The following ZNF609 variants were observed in gnomAD, a reference collection of about 807,000 sequenced individuals.
The protein encoded by ZNF609 is zinc finger protein 609.
ZNF609 carries 11 observed loss-of-function variants against 109.5 expected under a neutral mutation model. The observed-to-expected ratio is 0.10, with a 90% CI of 0.06 to 0.17. The LOEUF (loss-of-function observed/expected upper bound fraction) is 0.17, where lower values mean the gene tolerates loss of function less well. ZNF609 is among the 10% of genes least tolerant of loss of function. The pLI is 1.00. For missense variants in ZNF609, 1,559 were observed against 1,772.4 expected, an observed-to-expected ratio of 0.88 and a Z score of 2.16; for synonymous variants, 646 against 662.0, an observed-to-expected ratio of 0.98 and a Z score of 0.37.
chr15:64,586,648 G>A (rs754223762), intron 2 of ZNF609, among the ~76,000 whole-genome samples: 12 of 151,596 alleles, frequency 7.9e-5, no homozygotes, highest in East Asian at 5.8e-4. Flanking sequence ...CCCCCGTCCC[G>A]CCAACCCCCC....
chr15:64,637,403 TTAGAAA>T lies in ZNF609; in HGVS notation c.973+14353_973+14358del, dbSNP rs1800433210. ...TATACATATTCCTATCTATCTATAC[TTAGAAA>T]TGGAATTATTGAATCATAAGGTATG... On this transcript the variant is annotated intron_variant, in intron 3 of 9. Transcript: ENST00000326648. Among the ~76,000 whole-genome samples, 3 of 152,212 alleles carry T rather than the reference TTAGAAA, an allele frequency of 2.0e-5. No homozygotes were observed. The South Asian group carries it at 6.2e-4, about 31-fold the overall frequency.
In ZNF609 at chr15:64,595,660, G is replaced by A. The variant is rs1037448540; in HGVS notation, c.748-27167G>A. On this transcript the variant is annotated intron_variant, in intron 2 of 9. Transcript: ENST00000326648. ...ATAACATCCAACTACCTCATGTCTT[G>A]AAGTTTGGAGAAGTGAAGTGACTTA... is the stretch of plus-strand genomic sequence containing the variant. Among the ~76,000 whole-genome samples the A allele has an allele frequency of 3.3e-5, 5 of 152,126 alleles. 1 individual carries two copies. The highest frequency in any genetic ancestry group is 7.4e-5 in the Non-Finnish European group (5 of 68,014).
Position 64,593,816 on chromosome 15 carries a change from C to A in ZNF609, c.748-29011C>A, listed in dbSNP as rs543192865. Among the ~76,000 whole-genome samples, 132 of 152,328 alleles carry A rather than the reference C, an allele frequency of 8.7e-4. 1 individual carries two copies. Among genetic ancestry groups the A allele is most frequent in the South Asian group, 8.1e-3 (39 of 4,828 alleles). The stretch of plus-strand genomic sequence containing the variant: ...GATTACAGGTGTAAGCCACTGTACC[C>A]AGCCATTCCAGAACATTCTGATGAT... On this transcript the variant is annotated intron_variant, in intron 2 of 9. Transcript: ENST00000326648.
chr15:64,630,779 T>G (rs1896060912), intron 3 of ZNF609, among the ~76,000 whole-genome samples: 1 of 151,226 alleles, frequency 6.6e-6, no homozygotes, highest in African/African-American at 2.5e-5. Context: ...TACTCTCCAT[T>G]CTTTTGTTTT....
At chr15:64,524,399 A>T (rs997579263) in intron 2 of ZNF609, among the ~76,000 whole-genome samples, 1 of 152,184 alleles carries the variant, frequency 6.6e-6, no homozygotes, top group Admixed American at 6.5e-5. Flanking sequence ...CCCTGTCTCT[A>T]CTAAAAATAC....
At chr15:64,657,315 G>C (rs1326553120) in intron 3 of ZNF609, among the ~76,000 whole-genome samples, 1 of 151,420 alleles carries the variant, frequency 6.6e-6, no homozygotes, top group Non-Finnish European at 1.5e-5. Context: ...CTGATTAGTT[G>C]CATAAAAGCA....
At chr15:64,679,872 C>T (rs933816192) in intron 6 of ZNF609, among the ~76,000 whole-genome samples, 1 of 152,204 alleles carries the variant, frequency 6.6e-6, no homozygotes, top group Admixed American at 6.5e-5. Flanking sequence ...GGCTCTGACT[C>T]CAGATAAGTG....
Position 64,674,878 on chromosome 15 carries a change from C to T in ZNF609, c.2024C>T (p.Thr675Ile), listed in dbSNP as rs2141015295. 1.2e-6 allele frequency: 2 copies of T among 1,614,196 alleles called. No individual in the cohort carries two copies. The highest frequency in any genetic ancestry group is 4.5e-5 in the East Asian group (2 of 44,874). ...PQQIYTFQTA[T>I]FTAASPGSSS... ...CAAATCTACACCTTCCAGACAGCCA[C>T]CTTCACAGCAGCGAGCCCAGGCTCT... Residue 675 changes from threonine (T) to isoleucine (I), a missense_variant, in exon 5 of 10, where the codon ACC becomes ATC. Thr to Ile is a moderately conservative substitution (Grantham distance 89). Coordinates refer to ENST00000326648, the MANE Select transcript of ZNF609 (RefSeq NM_015042.2).
chr15:64,610,896 A>G (rs976061267), intron 2 of ZNF609, among the ~76,000 whole-genome samples: 2 of 152,198 alleles, frequency 1.3e-5, no homozygotes, highest in Non-Finnish European at 2.9e-5. Flanking sequence ...GGGCCGGCCT[A>G]GGAATCGCTG....
intron 2 of ZNF609, among the ~76,000 whole-genome samples, chr15:64,549,987 AG>A (rs1567011796): frequency 6.6e-6 from 1 of 152,140 alleles, no homozygotes; most frequent in South Asian, 2.1e-4. Context: ...TTAAGAGACA[AG>A]GGTCTTGCTA....
At chr15:64,617,752 C>T (rs1326222821) in intron 2 of ZNF609, among the ~76,000 whole-genome samples, 4 of 152,146 alleles carry the variant, frequency 2.6e-5, no homozygotes, top group Non-Finnish European at 5.9e-5. Flanking sequence ...TGCACTCCAG[C>T]CTGGGCAACA....
chr15:64,598,993 C>T (rs1372523873), intron 2 of ZNF609, among the ~76,000 whole-genome samples: 1 of 150,458 alleles, frequency 6.6e-6, no homozygotes, highest in Non-Finnish European at 1.5e-5. Flanking sequence ...GGGAAATATA[C>T]TGTGTTTTTA....
intron 2 of ZNF609, among the ~76,000 whole-genome samples, chr15:64,614,277 C>T (rs952790858): frequency 6.6e-6 from 1 of 150,614 alleles, no homozygotes; most frequent in Non-Finnish European, 1.5e-5. Flanking sequence ...GTCGCCCAGG[C>T]TGGAGTGCAG....
chr15:64,571,570 A>G (rs1490082971), intron 2 of ZNF609, among the ~76,000 whole-genome samples: 1 of 152,164 alleles, frequency 6.6e-6, no homozygotes, highest in Non-Finnish European at 1.5e-5. Context: ...TAAGTTAAGT[A>G]CTATTATTAT....
At chr15:64,549,630 G>A (rs1692970539) in intron 2 of ZNF609, among the ~76,000 whole-genome samples, 1 of 152,168 alleles carries the variant, frequency 6.6e-6, no homozygotes, top group Admixed American at 6.6e-5. Context: ...AAAATTCAAA[G>A]CCAGGTAATC....
chr15:64,478,100 C>G (rs1391370793), intron 1 of ZNF609, among the ~76,000 whole-genome samples: 1 of 150,790 alleles, frequency 6.6e-6, no homozygotes, highest in Non-Finnish European at 1.5e-5. Context: ...CACAAGAAGA[C>G]CTATTTGCCA....
At chr15:64,679,524 C>G (rs2141019430) in intron 6 of ZNF609, among the ~76,000 whole-genome samples, 1 of 152,316 alleles carries the variant, frequency 6.6e-6, no homozygotes, top group Admixed American at 6.5e-5. Flanking sequence ...CCTAAATAGT[C>G]TCAACATTCT....
At chr15:64,514,928 C>T (rs182692966) in intron 2 of ZNF609, among the ~76,000 whole-genome samples, 11 of 152,172 alleles carry the variant, frequency 7.2e-5, no homozygotes, top group Admixed American at 2.6e-4. Context: ...TGAGCCACTG[C>T]GCCCACCCTT....
At chr15:64,502,422 A>AT (rs1893574683) in intron 2 of ZNF609, 1 of 152,266 alleles carries the variant, frequency 6.6e-6, no homozygotes, top group Non-Finnish European at 1.5e-5. Flanking sequence ...GTTAGGAACC[A>AT]TGCAGAGGAG....
Sources: gnomAD v4.1 joint callset for allele counts (sites outside exome capture counted in the v4.1 genomes callset) on GRCh38, gnomAD v4.1.1 for gene constraint, MANE v1.5 for transcripts, NCBI Gene and HGNC (gene_info 2026-07-23, HGNC 2026-07-21) for gene names.